The following FAM240A variants were observed in gnomAD, a reference collection of about 807,000 sequenced individuals.
FAM240A encodes family with sequence similarity 240 member A, also known as protein FAM240A.
In FAM240A, 8 loss-of-function variants were observed where a neutral mutation model predicts 7.3. That is an observed-to-expected ratio of 1.09 (90% CI 0.64 to 1.97). The LOEUF is 1.97. Among genes scored for constraint, FAM240A ranks in the 30% most tolerant of loss-of-function variants. The pLI, the probability that FAM240A is intolerant of heterozygous loss-of-function variation, is 0.00. For synonymous variants in FAM240A, 32 were observed against 35.9 expected, an observed-to-expected ratio of 0.89 and a Z score of 0.38; for missense variants, 90 against 102.2, an observed-to-expected ratio of 0.88 and a Z score of 0.52.
Position 46,625,107 on chromosome 3 carries a change from G to A in FAM240A, c.162-21G>A, listed in dbSNP as rs1263127089. 6 of 1,511,046 alleles carry A rather than the reference G, an allele frequency of 4.0e-6. No homozygotes were observed. The South Asian group carries it at 7.2e-5, about 18-fold the overall frequency. 93.6% of individuals were successfully genotyped at this position (1,511,046 alleles called of 1,614,324 possible). A position where few individuals can be genotyped will look rare whatever the true frequency, so the allele number is the denominator to read the frequency against. ...CCATGGAAATGAATGCTCCATCTGT[G>A]TGTTTGGTTTCTATTTTCAGGCTCA... is the stretch of plus-strand genomic sequence containing the variant. On this transcript the variant is annotated intron_variant, in intron 2 of 2. Coordinates refer to ENST00000640551, the MANE Select transcript of FAM240A (RefSeq NM_001195442.2).
intron 2 of FAM240A, among the ~76,000 whole-genome samples, chr3:46,623,810 G>A (rs1306913513): frequency 2.0e-5 from 3 of 152,044 alleles, no homozygotes; most frequent in Non-Finnish European, 4.4e-5. Flanking sequence ...TTTGGATATT[G>A]TCTTTTAAAA....
chr3:46,620,134 A>G (rs1004229568), intron 2 of FAM240A, among the ~76,000 whole-genome samples: 4 of 150,974 alleles, frequency 2.6e-5, no homozygotes, highest in African/African-American at 9.8e-5. Flanking sequence ...CCCTCTTCCC[A>G]TGCTAGTCCT....
Position 46,617,269 on chromosome 3 carries a change from CAA to C in FAM240A, c.104_105del (p.Lys35ThrfsTer42), listed in dbSNP as rs1268621767. On this transcript the variant is annotated frameshift_variant, in exon 2 of 3. Transcript: ENST00000640551. LOFTEE classifies it high-confidence loss of function. ...AGCATTTCTGGGAAAGGGAAATTGG[CAA>C]ACAGACTTACTACCGAGAATCAGAG... ...LKHFWEREIG[K>X]QTYYRESEER... 3.9e-6 allele frequency: 6 copies of C among 1,535,246 alleles called. No homozygotes were observed. Among genetic ancestry groups the C allele is most frequent in the Non-Finnish European group, 5.2e-6 (6 of 1,146,504 alleles).
intron 2 of FAM240A, among the ~76,000 whole-genome samples, chr3:46,619,184 A>C (rs1697669141): frequency 6.6e-6 from 1 of 152,142 alleles, no homozygotes; most frequent in African/African-American, 2.4e-5. Flanking sequence ...AAAGGAAGAC[A>C]TTCCTTAGAG....
At chr3:46,618,589 C>T (rs1472726819) in intron 2 of FAM240A, among the ~76,000 whole-genome samples, 2 of 152,018 alleles carry the variant, frequency 1.3e-5, no homozygotes, top group African/African-American at 4.8e-5. Flanking sequence ...GCCTGTAATC[C>T]CAGCACTTTG....
chr3:46,618,639 G>C (rs1403283671), intron 2 of FAM240A, among the ~76,000 whole-genome samples: 3 of 152,054 alleles, frequency 2.0e-5, no homozygotes, highest in Non-Finnish European at 4.4e-5. Flanking sequence ...TCGAGAGTTT[G>C]AGACCAGCCC....
intron 2 of FAM240A, among the ~76,000 whole-genome samples, chr3:46,618,635 G>A (rs1697656404): frequency 6.6e-6 from 1 of 152,054 alleles, no homozygotes; most frequent in Non-Finnish European, 1.5e-5. Flanking sequence ...GAGGTCGAGA[G>A]TTTGAGACCA....
At chr3:46,613,840 C>T (rs905425686) in intron 1 of FAM240A, among the ~76,000 whole-genome samples, 2 of 152,306 alleles carry the variant, frequency 1.3e-5, no homozygotes, top group Non-Finnish European at 2.9e-5. Flanking sequence ...TATCTGAAGT[C>T]CCCTGAGGAG....
intron 2 of FAM240A, among the ~76,000 whole-genome samples, chr3:46,618,068 G>A (rs1475447744): frequency 5.9e-5 from 9 of 152,192 alleles, no homozygotes; most frequent in Non-Finnish European, 7.3e-5. Context: ...TGTCTGACGA[G>A]GCCATGGCTT....
In FAM240A at chr3:46,612,680, C is replaced by T. The variant is rs1007000672; in HGVS notation, c.-4C>T. The T allele has an allele frequency of 1.3e-6, 2 of 1,535,666 alleles. No individual in the cohort carries two copies. Among genetic ancestry groups the T allele is most frequent in the Admixed American group, 2.0e-5 (1 of 51,004 alleles). ...CGACTGAATCGATGTCTTCACATCCCTTCATGCGGTTGTTCTCTGTAAGTG... is the reference window on the plus strand; with the variant it reads ...CGACTGAATCGATGTCTTCACATCCTTTCATGCGGTTGTTCTCTGTAAGTG... On this transcript the variant is annotated 5_prime_UTR_variant, in exon 1 of 3. Transcript: ENST00000640551.
intron 1 of FAM240A, among the ~76,000 whole-genome samples, chr3:46,613,896 T>TG (rs1697598093): frequency 6.6e-6 from 1 of 152,100 alleles, no homozygotes; most frequent in Non-Finnish European, 1.5e-5. Context: ...TGAAGAAGGA[T>TG]GGGGTATTAG....
intron 2 of FAM240A, among the ~76,000 whole-genome samples, chr3:46,623,263 A>G (rs1697717181): frequency 6.6e-6 from 1 of 152,158 alleles, no homozygotes; most frequent in African/African-American, 2.4e-5. Context: ...ATTATCGCAG[A>G]CAGGGAACAT....
chr3:46,616,248 GCTGGCCAGGT>G (rs1275140423), intron 1 of FAM240A, among the ~76,000 whole-genome samples: 1 of 152,234 alleles, frequency 6.6e-6, no homozygotes, highest in Non-Finnish European at 1.5e-5. Flanking sequence ...AGGTCCTGTG[GCTGGCCAGGT>G]CTGTCTCATG....
intron 2 of FAM240A, among the ~76,000 whole-genome samples, 191 bp downstream of exon 2, chr3:46,617,519 A>G (rs566154039): frequency 1.3e-5 from 2 of 152,292 alleles, no homozygotes; most frequent in African/African-American, 4.8e-5. Flanking sequence ...GCTTTCACTG[A>G]CTTTCAAGTC....
At chr3:46,617,504 G>A (rs538597675) in intron 2 of FAM240A, among the ~76,000 whole-genome samples, 176 bp downstream of exon 2, 5 of 152,256 alleles carry the variant, frequency 3.3e-5, no homozygotes, top group Admixed American at 6.5e-5. Flanking sequence ...TGTGACTGTC[G>A]ATGAGCTTTC....
At chr3:46,618,549 A>G (rs372797128) in intron 2 of FAM240A, among the ~76,000 whole-genome samples, 20 of 152,270 alleles carry the variant, frequency 1.3e-4, no homozygotes, top group East Asian at 7.7e-4. Context: ...CATTAAAAAT[A>G]TATACATGCG....
At chr3:46,614,979 A>G (rs1043957545) in intron 1 of FAM240A, among the ~76,000 whole-genome samples, 2 of 152,200 alleles carry the variant, frequency 1.3e-5, no homozygotes, top group East Asian at 1.9e-4. Flanking sequence ...CATCAGTTAT[A>G]TTTATTCAGA....
chr3:46,622,207 G>A (rs1010940309), intron 2 of FAM240A, among the ~76,000 whole-genome samples: 3 of 146,086 alleles, frequency 2.1e-5, no homozygotes, highest in African/African-American at 7.6e-5. Flanking sequence ...CCAGGTTCGC[G>A]CCATTCTCCT....
At chr3:46,616,290 C>T (rs1697628288) in intron 1 of FAM240A, among the ~76,000 whole-genome samples, 1 of 152,222 alleles carries the variant, frequency 6.6e-6, no homozygotes, top group Non-Finnish European at 1.5e-5. Flanking sequence ...GTCAGGATGC[C>T]TATACCCTGC....
Sources: allele counts gnomAD v4.1 joint callset (sites outside exome capture counted in the v4.1 genomes callset), GRCh38; gene constraint gnomAD v4.1.1; transcripts MANE v1.5; gene names NCBI Gene and HGNC (gene_info 2026-07-23, HGNC 2026-07-21).